The following GLRB variants were observed in gnomAD, a reference collection of about 807,000 sequenced individuals.
GLRB encodes the protein glycine receptor subunit beta.
Under a neutral mutation model 54.2 loss-of-function variants are expected in GLRB, and 33 were observed. The observed-to-expected ratio is 0.61, with a 90% confidence interval of 0.46 to 0.81. The LOEUF (loss-of-function observed/expected upper bound fraction) is 0.81. GLRB is among the 40% of genes least tolerant of loss of function. The pLI is 0.00. For missense variants in GLRB, 572 were observed against 584.6 expected (o/e 0.98, Z 0.22); for synonymous variants, 209 against 208.2 (o/e 1.00, Z -0.03).
intron 2 of GLRB, among the ~76,000 whole-genome samples, chr4:157,088,149 G>A (rs1013634044): frequency 6.6e-6 from 1 of 151,990 alleles, no homozygotes; most frequent in African/African-American, 2.4e-5. Context: ...ATTACTCTTC[G>A]TATAAGAAAA....
intron 4 of GLRB, among the ~76,000 whole-genome samples, chr4:157,135,482 A>G (rs905936014): frequency 6.6e-6 from 1 of 152,018 alleles, no homozygotes; most frequent in African/African-American, 2.4e-5. Flanking sequence ...TGTTCTTATG[A>G]CAGTGAATAA....
intron 8 of GLRB, among the ~76,000 whole-genome samples, chr4:157,148,888 G>A (rs942762118): frequency 2.6e-5 from 4 of 151,972 alleles, no homozygotes; most frequent in Admixed American, 2.0e-4. Context: ...TCTCTTTTGT[G>A]TGGTTATTGT....
In GLRB at chr4:157,159,541, A is replaced by G. The variant is rs539880912; in HGVS notation, c.1197+6531A>G. Among the ~76,000 whole-genome samples, 194 of 152,238 alleles carry G rather than the reference A, an allele frequency of 1.3e-3. 1 individual carries two copies. Among genetic ancestry groups the G allele is most frequent in the African/African-American group, 4.5e-3 (186 of 41,546 alleles). On this transcript the variant is annotated intron_variant, in intron 9 of 9. Coordinates refer to ENST00000264428, the MANE Select transcript of GLRB (RefSeq NM_000824.5). ...TAATTTATTGAGAGTTTTTAGCATG[A>G]AGGGCTGTTGAATTTTGTGGAAGGC... is the stretch of plus-strand genomic sequence containing the variant.
At chr4:157,121,873 TAATA>T (rs1459305912) in intron 3 of GLRB, among the ~76,000 whole-genome samples, 2 of 151,702 alleles carry the variant, frequency 1.3e-5, no homozygotes, top group East Asian at 3.9e-4. Flanking sequence ...AAAATTAAAA[TAATA>T]ATTACAAGTA....
chr4:157,138,928 A>G lies in GLRB; in HGVS notation c.730A>G (p.Thr244Ala). The G allele has an allele frequency of 4.1e-6, 6 of 1,461,136 alleles. No individual in the cohort carries two copies. Among genetic ancestry groups the G allele is most frequent in the Non-Finnish European group, 4.8e-6 (5 of 1,042,266 alleles). The allele number at this position is 1,461,136 out of a possible 1,614,324, so 90.5% of individuals were successfully genotyped here. The change falls in exon 7 of 10, where the codon ACA (threonine) becomes GCA (alanine). Residue 244 changes from threonine to alanine, a missense_variant. Physicochemically the swap from Thr to Ala is moderately conservative, Grantham distance 58. Transcript: ENST00000264428. Reference sequence around the variant, plus strand: ...GGAAGATATTGAATATGGTAACTGTACAAAATACTATAAAGGCACGGGTAA... The same window carrying G: ...GGAAGATATTGAATATGGTAACTGTGCAAAATACTATAAAGGCACGGGTAA... ...KKEDIEYGNC[T>A]KYYKGTGYYT...
chr4:157,149,218 G>T (rs1217654769), intron 8 of GLRB, among the ~76,000 whole-genome samples: 1 of 151,844 alleles, frequency 6.6e-6, no homozygotes, highest in East Asian at 1.9e-4. Context: ...ACTTTAAATT[G>T]CCCTAGATTC....
chr4:157,160,783 TG>T (rs1737451959), intron 9 of GLRB, among the ~76,000 whole-genome samples: 1 of 152,172 alleles, frequency 6.6e-6, no homozygotes, highest in African/African-American at 2.4e-5. Flanking sequence ...AAGTGTGATG[TG>T]GTGCTGAGAA....
chr4:157,132,921 G>GA (rs1736268540), intron 4 of GLRB, among the ~76,000 whole-genome samples: 1 of 151,840 alleles, frequency 6.6e-6, no homozygotes, highest in African/African-American at 2.4e-5. Context: ...ATAATAGTCT[G>GA]AAAATCTCAG....
chr4:157,161,754 G>T (rs1388603114), intron 9 of GLRB, among the ~76,000 whole-genome samples: 1 of 152,130 alleles, frequency 6.6e-6, no homozygotes, highest in Non-Finnish European at 1.5e-5. Context: ...CTCTCTGGCT[G>T]CCCTTAACAT....
chr4:157,083,614 T>A (rs1164347633), intron 2 of GLRB, among the ~76,000 whole-genome samples: 1 of 152,174 alleles, frequency 6.6e-6, no homozygotes, highest in Non-Finnish European at 1.5e-5. Context: ...TGTGTTTGAT[T>A]ACAGCTTTAT....
chr4:157,111,724 T>C (rs1401526351), intron 2 of GLRB, among the ~76,000 whole-genome samples: 1 of 151,954 alleles, frequency 6.6e-6, no homozygotes, highest in Non-Finnish European at 1.5e-5. Flanking sequence ...CTGACATCAC[T>C]CTTAGGGAAA....
chr4:157,093,080 A>C (rs1734676913), intron 2 of GLRB, among the ~76,000 whole-genome samples: 1 of 152,104 alleles, frequency 6.6e-6, no homozygotes, highest in Non-Finnish European at 1.5e-5. Flanking sequence ...CTTGATTGTC[A>C]CTTAGCCTTT....
At chr4:157,097,310 A>G (rs954694691) in intron 2 of GLRB, among the ~76,000 whole-genome samples, 2 of 152,190 alleles carry the variant, frequency 1.3e-5, no homozygotes, top group African/African-American at 4.8e-5. Flanking sequence ...TGGTTATCAC[A>G]CAAAGTGTTA....
At chr4:157,140,890 A>G (rs879690241) in intron 7 of GLRB, among the ~76,000 whole-genome samples, 4 of 151,904 alleles carry the variant, frequency 2.6e-5, no homozygotes, top group Non-Finnish European at 5.9e-5. Context: ...TTGTAATTTT[A>G]TGTAATAGCA....
At chr4:157,088,778 A>G (rs1038104266) in intron 2 of GLRB, among the ~76,000 whole-genome samples, 1 of 151,916 alleles carries the variant, frequency 6.6e-6, no homozygotes, top group Non-Finnish European at 1.5e-5. Context: ...TATGTTTTAA[A>G]TTTTCTTCGT....
intron 2 of GLRB, among the ~76,000 whole-genome samples, chr4:157,081,568 G>A (rs1734223581): frequency 6.6e-6 from 1 of 152,038 alleles, no homozygotes; most frequent in Non-Finnish European, 1.5e-5. Context: ...ACAATCCTGG[G>A]GATCACCTTA....
At chr4:157,160,284 G>T (rs1405342015) in intron 9 of GLRB, among the ~76,000 whole-genome samples, 3 of 151,798 alleles carry the variant, frequency 2.0e-5, no homozygotes, top group Non-Finnish European at 2.9e-5. Flanking sequence ...CAAAAAACCA[G>T]CTCCTAGATT....
chr4:157,118,344 G>A (rs1365111490), intron 2 of GLRB, among the ~76,000 whole-genome samples: 1 of 151,684 alleles, frequency 6.6e-6, no homozygotes, highest in Non-Finnish European at 1.5e-5. Flanking sequence ...AGGTTTGAAC[G>A]CTAATTTGCA....
chr4:157,170,539 T>C lies in GLRB; in HGVS notation c.1305T>C (p.Tyr435=). ...SLPRDFELSN[Y]DCYGKPIEVN... ...CAAGAGATTTTGAACTATCCAATTA[T>C]GACTGCTATGGAAAACCCATTGAAG... Residue 435 remains tyrosine (Y), a synonymous_variant, in exon 10 of 10, where the codon TAT becomes TAC. Coordinates refer to ENST00000264428, the MANE Select transcript of GLRB (RefSeq NM_000824.5). 2.5e-6 allele frequency: 4 copies of C among 1,612,542 alleles called. No homozygotes were observed. The highest frequency in any genetic ancestry group is 3.4e-6 in the Non-Finnish European group (4 of 1,178,670).
Sources: allele counts gnomAD v4.1 joint callset (sites outside exome capture counted in the v4.1 genomes callset), GRCh38; gene constraint gnomAD v4.1.1; transcripts MANE v1.5; gene names NCBI Gene and HGNC (gene_info 2026-07-23, HGNC 2026-07-21).